SLC38A4: variants seen among roughly 807,000 people sequenced by gnomAD.
SLC38A4 encodes sodium-coupled neutral amino acid transporter 4.
In SLC38A4, 20 loss-of-function variants were observed where a neutral mutation model predicts 63.1. The observed-to-expected ratio is 0.32, with a 90% CI of 0.22 to 0.46. The LOEUF (loss-of-function observed/expected upper bound fraction) is 0.46. SLC38A4 is among the 20% of genes least tolerant of loss of function. SLC38A4 has a pLI of 1.00. For synonymous variants in SLC38A4, 230 were observed against 225.5 expected, an observed-to-expected ratio of 1.02 and a Z score of -0.18; for missense variants, 526 against 663.6, an observed-to-expected ratio of 0.79 and a Z score of 2.28.
chr12:46,827,556 A>T (rs1474073639), upstream of SLC38A4, among the ~76,000 whole-genome samples: 1 of 152,204 alleles, frequency 6.6e-6, no homozygotes. Context: ...AATTCCCTAC[A>T]TCACCTTTTA....
intron 1 of SLC38A4, among the ~76,000 whole-genome samples, chr12:46,825,397 G>A (rs1939628407): frequency 6.6e-6 from 1 of 151,696 alleles, no homozygotes; most frequent in Non-Finnish European, 1.5e-5. Context: ...CCAAAAATGT[G>A]TCAGATACCT....
intron 5 of SLC38A4, among the ~76,000 whole-genome samples, chr12:46,786,158 T>A (rs1938757558): frequency 6.6e-6 from 1 of 152,134 alleles, no homozygotes; most frequent in Non-Finnish European, 1.5e-5. Context: ...TCCATATGCC[T>A]TATGAACTTA....
chr12:46,788,602 C>G lies in SLC38A4; in HGVS notation c.136G>C (p.Asp46His), dbSNP rs1219074434. The G allele has an allele frequency of 6.2e-7, 1 of 1,613,408 alleles. No individual in the cohort carries two copies. The highest frequency in any genetic ancestry group is 8.5e-7 in the Non-Finnish European group (1 of 1,179,726). The change falls in exon 4 of 17, where the codon GAC becomes CAC. Residue 46 changes from aspartate to histidine, a missense_variant. Transcript: ENST00000266579. Reference sequence around the variant, plus strand: ...GTCAGGAATTTCTGACTTTCAGTGTCTTCATTAGCAAATTGACTGAACACA... The same window carrying G: ...GTCAGGAATTTCTGACTTTCAGTGTGTTCATTAGCAAATTGACTGAACACA... ...AAMSSQFANE[D>H]TESQKFLTNG...
At chr12:46,768,175 C>T in intron 16 of SLC38A4, 135 bp downstream of exon 16, 1 of 579,280 alleles carries the variant, frequency 1.7e-6, no homozygotes, top group Non-Finnish European at 3.0e-6. Context: ...TCTCTGCTAC[C>T]AGAAAGTTCT....
intron 1 of SLC38A4, among the ~76,000 whole-genome samples, chr12:46,812,096 T>G (rs1592194070): frequency 1.3e-5 from 2 of 152,174 alleles, no homozygotes; most frequent in Admixed American, 1.3e-4. Flanking sequence ...AATATCTTAA[T>G]TTGCAAGCAT....
rs1938567357 is a variant in SLC38A4, at chr12:46,778,123, T to G, written c.1073+166A>C. On this transcript the variant is annotated intron_variant, in intron 12 of 16. Transcript: ENST00000266579. ...GAAAGAAGATAAGGTAGTGCTGTGG[T>G]GGGCTGATTCCCACCTTTCTGATTA... Among the ~76,000 whole-genome samples the G allele has an allele frequency of 3.9e-5, 6 of 151,986 alleles. No individual in the cohort carries two copies. In the South Asian group the frequency reaches 1.2e-3, roughly 31 times the overall value.
intron 3 of SLC38A4, 112 bp from the exon 4 acceptor site, chr12:46,788,730 C>T (rs960557726): frequency 2.1e-6 from 2 of 943,820 alleles, no homozygotes; most frequent in Admixed American, 2.2e-5. Flanking sequence ...GGAAATAAGA[C>T]ACCCCAATTT....
Position 46,788,012 on chromosome 12 carries a change from A to C in SLC38A4, c.230T>G (p.Phe77Cys). The C allele has an allele frequency of 6.2e-7, 1 of 1,613,822 alleles. No individual in the cohort carries two copies. ...ACTCAGGTTAAATGAAGACATTCCA[A>C]AGGAAGTGGTTCCGGGATGCTTGAA... is the stretch of plus-strand genomic sequence containing the variant. ...ADEHHPGTTSFGMSSFNLSNA... is the reference protein window; with the variant it reads ...ADEHHPGTTSCGMSSFNLSNA... Residue 77 changes from phenylalanine (F) to cysteine (C), a missense_variant, in exon 5 of 17, where the codon TTT becomes TGT. Physicochemically the swap from Phe to Cys is radical, Grantham distance 205. Coordinates refer to ENST00000266579, the MANE Select transcript of SLC38A4 (RefSeq NM_018018.5).
chr12:46,781,986 G>A (rs1201612927), intron 7 of SLC38A4, among the ~76,000 whole-genome samples: 1 of 151,950 alleles, frequency 6.6e-6, no homozygotes, highest in East Asian at 1.9e-4. Context: ...GGATTTGGGG[G>A]GCTAATATGC....
Position 46,785,197 on chromosome 12 carries a change from T to A in SLC38A4, c.327-20A>T. The A allele has an allele frequency of 6.3e-7, 1 of 1,576,208 alleles. No individual in the cohort carries two copies. The highest frequency in any genetic ancestry group is 8.7e-7 in the Non-Finnish European group (1 of 1,147,208). On this transcript the variant is annotated intron_variant, in intron 5 of 16. Coordinates refer to ENST00000266579, the MANE Select transcript of SLC38A4 (RefSeq NM_018018.5). The stretch of plus-strand genomic sequence containing the variant: ...ATGATTCTGCAAAGGGAAGAGAGAG[T>A]AGGTAATAAAGTTTCTACAATAAAT...
At chr12:46,783,266 T>C (rs1938687260) in intron 7 of SLC38A4, among the ~76,000 whole-genome samples, 3 of 148,368 alleles carry the variant, frequency 2.0e-5, no homozygotes, top group African/African-American at 7.5e-5. Flanking sequence ...GATAGATAGA[T>C]AGATAGATAA....
intron 1 of SLC38A4, among the ~76,000 whole-genome samples, chr12:46,806,413 A>T (rs373065278): frequency 2.1e-4 from 32 of 151,912 alleles, no homozygotes; most frequent in African/African-American, 7.0e-4. Context: ...AAAATGTAGG[A>T]GAGATGATGG....
chr12:46,823,893 A>G (rs146527179), intron 1 of SLC38A4, among the ~76,000 whole-genome samples: 340 of 152,308 alleles, frequency 2.2e-3, no homozygotes, highest in Middle Eastern at 0.014. Context: ...GCTTGTGAGC[A>G]TGCAGATAAA....
chr12:46,794,914 G>A (rs1459365936), intron 2 of SLC38A4, among the ~76,000 whole-genome samples: 1 of 151,600 alleles, frequency 6.6e-6, no homozygotes, highest in Non-Finnish European at 1.5e-5. Context: ...CAGCCTAAAT[G>A]TATATACATA....
At position 46,778,821 on chromosome 12, in the gene SLC38A4, A is replaced by G. The variant is rs752077437; in HGVS notation, c.718-45T>C. On this transcript the variant is annotated intron_variant, in intron 10 of 16. Coordinates refer to ENST00000266579, the MANE Select transcript of SLC38A4 (RefSeq NM_018018.5). ...AAGAAAAAAAAATCAGCTTTTTGAG[A>G]AAAAACAATGAAATAAGAATCCATA... The G allele has an allele frequency of 3.2e-6, 5 of 1,569,154 alleles. No homozygotes were observed. In the African/African-American group the frequency reaches 4.1e-5, roughly 13 times the overall value.
chr12:46,824,053 CT>C (rs1939601084), intron 1 of SLC38A4, among the ~76,000 whole-genome samples: 1 of 152,196 alleles, frequency 6.6e-6, no homozygotes, highest in South Asian at 2.1e-4. Context: ...GCTAAAGATG[CT>C]GTTTTGGGCT....
At chr12:46,807,898 C>G (rs533165564) in intron 1 of SLC38A4, among the ~76,000 whole-genome samples, 2 of 150,088 alleles carry the variant, frequency 1.3e-5, no homozygotes, top group South Asian at 2.2e-4. Flanking sequence ...TACCCCCCCC[C>G]CCAAAGCCAC....
At chr12:46,831,844 G>C (rs1478004486) in intron 1 of SLC38A4, among the ~76,000 whole-genome samples, 1 of 152,168 alleles carries the variant, frequency 6.6e-6, no homozygotes, top group Non-Finnish European at 1.5e-5. Flanking sequence ...GGGGGAAGTC[G>C]GGCCTCTCAG....
At position 46,788,384 on chromosome 12, in the gene SLC38A4, C is replaced by A. The variant is rs534719375; in HGVS notation, c.210+144G>T. 43 of 657,666 alleles carry A rather than the reference C, an allele frequency of 6.5e-5. 1 individual carries two copies. The South Asian group carries it at 7.8e-4, about 12-fold the overall frequency. 40.7% of individuals were successfully genotyped at this position (657,666 alleles called of 1,614,324 possible). ...ATATGGCGAACAGGAAAAAACAAGCCCTTATTCCAGTAAGAGCCTGAATAA... is the reference window on the plus strand; with the variant it reads ...ATATGGCGAACAGGAAAAAACAAGCACTTATTCCAGTAAGAGCCTGAATAA... On this transcript the variant is annotated intron_variant, in intron 4 of 16. Transcript: ENST00000266579.
Sources: allele counts gnomAD v4.1 joint callset (sites outside exome capture counted in the v4.1 genomes callset), GRCh38; gene constraint gnomAD v4.1.1; transcripts MANE v1.5; gene names NCBI Gene and HGNC (gene_info 2026-07-23, HGNC 2026-07-21).